PTPRK: variants seen among roughly 807,000 people sequenced by gnomAD.
PTPRK encodes receptor-type tyrosine-protein phosphatase kappa.
In PTPRK, 75 loss-of-function variants were observed where a neutral mutation model predicts 178.0. That is an observed-to-expected ratio of 0.42 (90% confidence interval 0.35 to 0.51). The LOEUF (loss-of-function observed/expected upper bound fraction) is 0.51. PTPRK is among the 20% of genes least tolerant of loss of function. The pLI, the probability that PTPRK is intolerant of heterozygous loss-of-function variation, is 0.02. For synonymous variants in PTPRK, 637 were observed against 620.6 expected (o/e 1.03, Z -0.39); for missense variants, 1,441 against 1,797.8 (o/e 0.80, Z 3.59).
chr6:128,132,846 T>G (rs1171396696), intron 7 of PTPRK, among the ~76,000 whole-genome samples: 1 of 152,216 alleles, frequency 6.6e-6, no homozygotes, highest in African/African-American at 2.4e-5. Context: ...GTTGCCCATA[T>G]AAGATACAAA....
intron 13 of PTPRK, among the ~76,000 whole-genome samples, chr6:128,047,192 A>T (rs1005042595): frequency 6.6e-6 from 1 of 152,216 alleles, no homozygotes; most frequent in Non-Finnish European, 1.5e-5. Flanking sequence ...ACTCTTTTGT[A>T]ACAAGTGATT....
At chr6:128,096,451 A>G (rs1442484755) in intron 7 of PTPRK, among the ~76,000 whole-genome samples, 1 of 152,146 alleles carries the variant, frequency 6.6e-6, no homozygotes, top group Non-Finnish European at 1.5e-5. Flanking sequence ...GTCTTTTTGT[A>G]GCGATAATTT....
At chr6:128,031,705 A>T (rs990585282) in intron 13 of PTPRK, among the ~76,000 whole-genome samples, 1 of 152,214 alleles carries the variant, frequency 6.6e-6, no homozygotes, top group Admixed American at 6.5e-5. Flanking sequence ...CTACAATCAA[A>T]ACTGCTTGGG....
At chr6:128,457,028 C>T (rs1848484492) in intron 1 of PTPRK, among the ~76,000 whole-genome samples, 1 of 152,086 alleles carries the variant, frequency 6.6e-6, no homozygotes, top group Non-Finnish European at 1.5e-5. Context: ...AGGATCCTGA[C>T]ATCAATTTGT....
chr6:128,225,201 T>C (rs926851555), intron 5 of PTPRK, among the ~76,000 whole-genome samples: 1 of 152,212 alleles, frequency 6.6e-6, no homozygotes, highest in Non-Finnish European at 1.5e-5. Flanking sequence ...CATTTATTTA[T>C]ATATTTATTT....
chr6:128,485,557 T>A (rs1048530360), intron 1 of PTPRK, among the ~76,000 whole-genome samples: 1 of 152,230 alleles, frequency 6.6e-6, no homozygotes, highest in African/African-American at 2.4e-5. Context: ...ATGTGTCTCA[T>A]GTGTGTTGCT....
Position 127,995,490 on chromosome 6 carries a change from G to A in PTPRK, c.2816C>T (p.Ser939Leu), listed in dbSNP as rs1777050402. ...ILQPVEDDPS[S>L]DYINANYIDG... ...AATATAGTTGGCATTAATATAATCT[G>A]AGGAAGGATCATCCTCTACGGGTTG... The change falls in exon 18 of 30, where the codon TCA (serine) becomes TTA (leucine). Residue 939 changes from serine to leucine, a missense_variant. Around this residue, in one of 4 missense-constraint regions of PTPRK, gnomAD observed 945 missense variants for 1,080.6 expected, o/e 0.87. Transcript: ENST00000368226. 6.3e-7 allele frequency: 1 copy of A among 1,599,472 alleles called. No individual in the cohort carries two copies. Among genetic ancestry groups the A allele is most frequent in the African/African-American group, 1.3e-5 (1 of 74,190 alleles).
At position 127,969,479 on chromosome 6, in the gene PTPRK, A is replaced by G. The variant is rs1439176948; in HGVS notation, c.*748T>C. The G allele has an allele frequency of 1.3e-5, 2 of 152,200 alleles. No individual in the cohort carries two copies. The highest frequency in any genetic ancestry group is 1.9e-4 in the East Asian group (1 of 5,202). The allele number at this position is 152,200 out of a possible 1,614,324, so 9.4% of individuals were successfully genotyped here. ...GTTTATCTTCTACTTACACTAAAACATACAAAAAATAATCTACAAAAATCG... is the reference window on the plus strand; with the variant it reads ...GTTTATCTTCTACTTACACTAAAACGTACAAAAAATAATCTACAAAAATCG... On this transcript the variant is annotated 3_prime_UTR_variant, in exon 30 of 30. Coordinates refer to ENST00000368226, the MANE Select transcript of PTPRK (RefSeq NM_002844.4).
chr6:128,238,717 C>T (rs1231056016), intron 5 of PTPRK, among the ~76,000 whole-genome samples: 1 of 152,138 alleles, frequency 6.6e-6, no homozygotes, highest in East Asian at 1.9e-4. Flanking sequence ...GCACATTATA[C>T]AACATGCTTT....
chr6:128,516,963 T>A (rs556948168), intron 1 of PTPRK, among the ~76,000 whole-genome samples: 2 of 151,726 alleles, frequency 1.3e-5, no homozygotes, highest in East Asian at 3.9e-4. Flanking sequence ...AAATTAAGGA[T>A]AATCGATCAT....
chr6:128,120,149 C>T (rs899461653), intron 7 of PTPRK, among the ~76,000 whole-genome samples: 1 of 151,912 alleles, frequency 6.6e-6, no homozygotes, highest in African/African-American at 2.4e-5. Flanking sequence ...CTTAATCCTA[C>T]TTTCAAGCAC....
At chr6:128,258,931 G>A (rs2128292649) in intron 3 of PTPRK, among the ~76,000 whole-genome samples, 2 of 152,244 alleles carry the variant, frequency 1.3e-5, no homozygotes, top group South Asian at 4.2e-4. Flanking sequence ...ACTGGATTTG[G>A]ATTTTATTGA....
In PTPRK at chr6:128,228,617, G is replaced by A. The variant is rs1365999948; in HGVS notation, c.694-9521C>T. ...GGAGCTTGCAGTGAGCGGAGATCGCGCCACTACACTCCAGCTGGGGTGACA... is the reference window on the plus strand; with the variant it reads ...GGAGCTTGCAGTGAGCGGAGATCGCACCACTACACTCCAGCTGGGGTGACA... On this transcript the variant is annotated intron_variant, in intron 5 of 29. Coordinates refer to ENST00000368226, the MANE Select transcript of PTPRK (RefSeq NM_002844.4). Among the ~76,000 whole-genome samples, 96 of 147,410 alleles carry A rather than the reference G, an allele frequency of 6.5e-4. 1 individual carries two copies. The highest frequency in any genetic ancestry group is 4.2e-4 in the South Asian group (2 of 4,708).
intron 3 of PTPRK, among the ~76,000 whole-genome samples, chr6:128,246,779 G>A (rs950107211): frequency 6.6e-6 from 1 of 152,178 alleles, no homozygotes; most frequent in African/African-American, 2.4e-5. Flanking sequence ...AGGCCAGCCT[G>A]GGAGCAGAAT....
chr6:128,232,163 A>C (rs1448872941), intron 5 of PTPRK: 2 of 152,268 alleles, frequency 1.3e-5, no homozygotes, highest in Non-Finnish European at 2.9e-5. Context: ...GTCCCCACAC[A>C]TACACACGAC....
chr6:128,238,185 C>CAAAAAA (rs58051125), intron 5 of PTPRK: 185 of 206,360 alleles, frequency 9.0e-4, no homozygotes, highest in Middle Eastern at 1.5e-3. Context: ...TAGCAAACGC[C>CAAAAAA]AAAAAAAAAA....
At chr6:128,278,760 A>G (rs1444063173) in intron 3 of PTPRK, among the ~76,000 whole-genome samples, 1 of 152,224 alleles carries the variant, frequency 6.6e-6, no homozygotes. Flanking sequence ...TATAAAAAAC[A>G]TCGAATGCAC....
chr6:128,488,264 A>G (rs1266621483), intron 1 of PTPRK, among the ~76,000 whole-genome samples: 1 of 152,176 alleles, frequency 6.6e-6, no homozygotes, highest in Non-Finnish European at 1.5e-5. Flanking sequence ...TGTTAATTCC[A>G]CTTTCTTCTG....
In PTPRK at chr6:128,356,409, T is replaced by C. The variant is rs574546525; in HGVS notation, c.224-34099A>G. Among the ~76,000 whole-genome samples the C allele has an allele frequency of 3.3e-5, 5 of 152,308 alleles. No individual in the cohort carries two copies. The South Asian group carries it at 1.0e-3, about 32-fold the overall frequency. On this transcript the variant is annotated intron_variant, in intron 2 of 29. Coordinates refer to ENST00000368226, the MANE Select transcript of PTPRK (RefSeq NM_002844.4). ...GACCCTTCTGACAGCTGAAACTAGT[T>C]TAGCCAGTCACTAATGAGCCCTTAA... is the stretch of plus-strand genomic sequence containing the variant.
Sources: allele counts gnomAD v4.1 joint callset (sites outside exome capture counted in the v4.1 genomes callset), GRCh38; gene constraint gnomAD v4.1.1; regional missense constraint gnomAD v4.1.1; transcripts MANE v1.5; gene names NCBI Gene and HGNC (gene_info 2026-07-23, HGNC 2026-07-21).